The following SLC25A17 variants were observed in gnomAD, a reference collection of about 807,000 sequenced individuals.
The protein encoded by SLC25A17 is peroxisomal membrane protein PMP34.
In SLC25A17, 26 loss-of-function variants were observed where a neutral mutation model predicts 38.5. The observed-to-expected ratio is 0.68, with a 90% CI of 0.50 to 0.94. SLC25A17 has a LOEUF of 0.94. Among genes scored for constraint, SLC25A17 ranks in the 40% least tolerant of loss-of-function variants. The pLI is 0.00. For synonymous variants in SLC25A17, 139 were observed against 136.2 expected, an observed-to-expected ratio of 1.02 and a Z score of -0.14; for missense variants, 333 against 372.7, an observed-to-expected ratio of 0.89 and a Z score of 0.88.
At chr22:40,772,453 C>CA in intron 8 of SLC25A17, among the ~76,000 whole-genome samples, 1 of 152,198 alleles carries the variant, frequency 6.6e-6, no homozygotes, top group East Asian at 1.9e-4. Flanking sequence ...TACAGGCAGG[C>CA]ACCAGGATGC....
At chr22:40,776,091 GCTAT>G (rs1258273053) in intron 7 of SLC25A17, 1 of 267,764 alleles carries the variant, frequency 3.7e-6, no homozygotes, top group Non-Finnish European at 7.3e-6. Flanking sequence ...CTCCAATCAT[GCTAT>G]CTAAGAAGAG....
chr22:40,806,799 C>T (rs1299425491), intron 1 of SLC25A17, among the ~76,000 whole-genome samples: 1 of 152,140 alleles, frequency 6.6e-6, no homozygotes, highest in Non-Finnish European at 1.5e-5. Flanking sequence ...GATATTTACT[C>T]TAAAGGAAAT....
In SLC25A17 at chr22:40,801,734, CTTA is replaced by C. The variant is rs2057486043; in HGVS notation, c.55-2654_55-2652del. On this transcript the variant is annotated intron_variant, in intron 1 of 8. Transcript: ENST00000435456. ...ATGGGAGCTGGAAAGTTAGAGAAAG[CTTA>C]TTAAGTTTATTAAGGCTCTGGCACT... 3.3e-5 allele frequency among the ~76,000 whole-genome samples: 5 copies of C among 152,280 alleles called. No individual in the cohort carries two copies. In the South Asian group the frequency reaches 1.0e-3, roughly 32 times the overall value.
At chr22:40,809,458 C>G (rs1301544353) in intron 1 of SLC25A17, among the ~76,000 whole-genome samples, 2 of 118,410 alleles carry the variant, frequency 1.7e-5, no homozygotes, top group African/African-American at 3.3e-5. Context: ...AACCCAGTCT[C>G]TACAAAAAAA....
chr22:40,815,807 C>T (rs1407111516), intron 1 of SLC25A17, among the ~76,000 whole-genome samples: 3 of 152,120 alleles, frequency 2.0e-5, no homozygotes, highest in Non-Finnish European at 2.9e-5. Flanking sequence ...GCCATATTTG[C>T]TTCTTAAAAA....
intron 4 of SLC25A17, 91 bp downstream of exon 4, chr22:40,792,434 G>T: frequency 1.5e-5 from 15 of 982,280 alleles, no homozygotes; most frequent in Admixed American, 3.2e-5. Context: ...TATATTCTTT[G>T]TAAGCATTAC....
intron 1 of SLC25A17, among the ~76,000 whole-genome samples, chr22:40,805,564 G>A (rs1479174390): frequency 6.6e-6 from 1 of 152,124 alleles, no homozygotes; most frequent in African/African-American, 2.4e-5. Context: ...GGAACATACT[G>A]GAAGAAGAAG....
Position 40,784,788 on chromosome 22 carries a change from A to C in SLC25A17, c.335-5663T>G, listed in dbSNP as rs991037302. Among the ~76,000 whole-genome samples, 1,476 of 148,682 alleles carry C rather than the reference A, an allele frequency of 9.9e-3. 4 individuals are homozygous for C. Among genetic ancestry groups the C allele is most frequent in the Non-Finnish European group, 0.017 (1,117 of 66,736 alleles). Reference sequence around the variant, plus strand: ...AAGACCCTATCTCAACAACAACAAAAAAAAAAAAAAAAAAAAAGAAAAGGA... The same window carrying C: ...AAGACCCTATCTCAACAACAACAAACAAAAAAAAAAAAAAAAAGAAAAGGA... On this transcript the variant is annotated intron_variant, in intron 4 of 8. Coordinates refer to ENST00000435456, the MANE Select transcript of SLC25A17 (RefSeq NM_006358.4).
chr22:40,794,453 T>C, intron 3 of SLC25A17, 61 bp downstream of exon 3: 3 of 998,986 alleles, frequency 3.0e-6, no homozygotes, highest in Non-Finnish European at 4.8e-6. Flanking sequence ...ATAACTCTAC[T>C]GGAAGCACAG....
intron 1 of SLC25A17, among the ~76,000 whole-genome samples, chr22:40,813,477 G>C (rs911673887): frequency 1.3e-5 from 2 of 152,166 alleles, no homozygotes. Context: ...GGCAGAGGTT[G>C]CAGTAAGCCG....
At chr22:40,799,334 C>T (rs2057460191) in intron 1 of SLC25A17, among the ~76,000 whole-genome samples, 1 of 151,172 alleles carries the variant, frequency 6.6e-6, no homozygotes, top group South Asian at 2.1e-4. Flanking sequence ...ATGGGGGTCT[C>T]ACTTTGTTGC....
intron 4 of SLC25A17, among the ~76,000 whole-genome samples, chr22:40,787,471 G>A (rs935004790): frequency 3.3e-5 from 5 of 152,160 alleles, no homozygotes; most frequent in Non-Finnish European, 7.4e-5. Context: ...AGGGCTCAGC[G>A]TGCTGTGGTG....
intron 7 of SLC25A17, among the ~76,000 whole-genome samples, chr22:40,776,670 G>C (rs989525090): frequency 1.3e-5 from 2 of 152,212 alleles, no homozygotes; most frequent in Non-Finnish European, 2.9e-5. Flanking sequence ...GCCAAGGTGG[G>C]AGGATCGCTT....
At chr22:40,809,030 C>G (rs552648294) in intron 1 of SLC25A17, among the ~76,000 whole-genome samples, 1 of 151,916 alleles carries the variant, frequency 6.6e-6, no homozygotes, top group African/African-American at 2.4e-5. Context: ...CAATGCCATT[C>G]ATCTTATGAC....
chr22:40,816,799 C>T lies in SLC25A17; in HGVS notation c.54+2396G>A, dbSNP rs185385205. 3.9e-3 allele frequency among the ~76,000 whole-genome samples: 596 copies of T among 151,990 alleles called. 1 individual carries two copies. The highest frequency in any genetic ancestry group is 6.4e-3 in the Non-Finnish European group (437 of 67,948). On this transcript the variant is annotated intron_variant, in intron 1 of 8. Coordinates refer to ENST00000435456, the MANE Select transcript of SLC25A17 (RefSeq NM_006358.4). ...CTACTTTTTGTATTTTTAGTAGAGACGGGGTTTCACCATGTTAGCCAGGCT... is the reference window on the plus strand; with the variant it reads ...CTACTTTTTGTATTTTTAGTAGAGATGGGGTTTCACCATGTTAGCCAGGCT...
Position 40,802,080 on chromosome 22 carries a change from C to G in SLC25A17, c.55-2997G>C, listed in dbSNP as rs188347590. On this transcript the variant is annotated intron_variant, in intron 1 of 8. Coordinates refer to ENST00000435456, the MANE Select transcript of SLC25A17 (RefSeq NM_006358.4). ...ATGCTGGGATTACAGGCGTGAGCCA[C>G]CGTGCCTGGCCGGTACTGCATTTCT... is the stretch of plus-strand genomic sequence containing the variant. Among the ~76,000 whole-genome samples the G allele has an allele frequency of 1.4e-3, 208 of 152,084 alleles. 2 individuals are homozygous for G. The highest frequency in any genetic ancestry group is 0.01 in the Middle Eastern group (3 of 294).
At chr22:40,814,296 C>T (rs1331118342) in intron 1 of SLC25A17, among the ~76,000 whole-genome samples, 2 of 152,172 alleles carry the variant, frequency 1.3e-5, no homozygotes, top group Admixed American at 6.5e-5. Flanking sequence ...AAGGCTCTGC[C>T]CACATCAAGG....
At chr22:40,782,221 A>AAACAACAACAACAACAACAACAAC (rs57313774) in intron 4 of SLC25A17, among the ~76,000 whole-genome samples, 1 of 149,894 alleles carries the variant, frequency 6.7e-6, no homozygotes, top group African/African-American at 2.5e-5. Context: ...CCCCATCTCA[A>AAACAACAACAACAACAACAACAAC]AACAACAACA....
Position 40,790,340 on chromosome 22 carries a change from CAAAAAAAAAAAAA to C in SLC25A17, c.334+2172_334+2184del, listed in dbSNP as rs138301. ...TGGGCAACAGAGTGAGACACAATCT[CAAAAAAAAAAAAA>C]AAAAAAAAAGTGGAAGAGTGAACTT... On this transcript the variant is annotated intron_variant, in intron 4 of 8. Coordinates refer to ENST00000435456, the MANE Select transcript of SLC25A17 (RefSeq NM_006358.4). 4.9e-5 allele frequency among the ~76,000 whole-genome samples: 3 copies of C among 61,208 alleles called. No homozygotes were observed. The East Asian group carries it at 1.6e-3, about 33-fold the overall frequency. The allele number at this position is 61,208 out of a possible 152,430, so 40.2% of individuals were successfully genotyped here.
Sources: gnomAD v4.1 joint callset for allele counts (sites outside exome capture counted in the v4.1 genomes callset) on GRCh38, gnomAD v4.1.1 for gene constraint, MANE v1.5 for transcripts, NCBI Gene and HGNC (gene_info 2026-07-23, HGNC 2026-07-21) for gene names.